The following BRINP3 variants were observed in gnomAD, a reference collection of about 807,000 sequenced individuals.
BRINP3 encodes BMP/retinoic acid inducible neural specific 3, also known as BMP/retinoic acid-inducible neural-specific protein 3.
Under a neutral mutation model 71.0 loss-of-function variants are expected in BRINP3, and 19 were observed. The observed-to-expected ratio is 0.27, with a 90% CI of 0.19 to 0.39. BRINP3 has a LOEUF of 0.39. BRINP3 is among the 10% of genes least tolerant of loss of function. BRINP3 has a pLI of 1.00. For synonymous variants in BRINP3, 380 were observed against 337.7 expected (o/e 1.13, Z -1.37); for missense variants, 959 against 940.8 (o/e 1.02, Z -0.25).
chr1:190,172,124 C>A (rs1212043490), intron 6 of BRINP3, among the ~76,000 whole-genome samples: 1 of 147,838 alleles, frequency 6.8e-6, no homozygotes, highest in African/African-American at 2.5e-5. Flanking sequence ...AAAGGTCTTT[C>A]TTTCTTGCAG....
In BRINP3 at chr1:190,255,088, A is replaced by G. The variant is rs537521132; in HGVS notation, c.618+9777T>C. Among the ~76,000 whole-genome samples the G allele has an allele frequency of 4.0e-5, 6 of 151,830 alleles. No homozygotes were observed. The South Asian group carries it at 1.2e-3, about 32-fold the overall frequency. On this transcript the variant is annotated intron_variant, in intron 4 of 7. Coordinates refer to ENST00000367462, the MANE Select transcript of BRINP3 (RefSeq NM_199051.3). Reference sequence around the variant, plus strand: ...TGATGGATTATGGTTATTGATTTGCATATGTCGAACCAGCCTTGCATCCCA... The same window carrying G: ...TGATGGATTATGGTTATTGATTTGCGTATGTCGAACCAGCCTTGCATCCCA...
chr1:190,454,795 A>G lies in BRINP3; in HGVS notation c.96T>C (p.Val32=). ...ALSLHCWVLA[V]AAVSDQHATS... is the part of the protein sequence containing the mutation. ...TGGCATGCTGATCCGAAACAGCAGC[A>G]ACCGCTAAAACCCAGCAATGAAGAC... The change falls in exon 2 of 8, where the codon GTT becomes GTC. Residue 32 remains valine, a synonymous_variant. Coordinates refer to ENST00000367462, the MANE Select transcript of BRINP3 (RefSeq NM_199051.3). 1 of 1,614,188 alleles carries G rather than the reference A, an allele frequency of 6.2e-7. No individual in the cohort carries two copies. The highest frequency in any genetic ancestry group is 8.5e-7 in the Non-Finnish European group (1 of 1,180,040).
At chr1:190,350,018 T>C (rs1668273418) in intron 2 of BRINP3, among the ~76,000 whole-genome samples, 2 of 151,962 alleles carry the variant, frequency 1.3e-5, no homozygotes, top group South Asian at 4.1e-4. Flanking sequence ...AAAAGGAGAA[T>C]ACAAGGAAAA....
intron 2 of BRINP3, among the ~76,000 whole-genome samples, chr1:190,307,599 CTAGTT>C (rs1432451949): frequency 6.6e-6 from 1 of 151,594 alleles, no homozygotes. Context: ...TTCACTCAAA[CTAGTT>C]AAGTTATTCT....
intron 2 of BRINP3, among the ~76,000 whole-genome samples, chr1:190,444,926 G>T (rs532336221): frequency 1.3e-4 from 20 of 152,262 alleles, no homozygotes; most frequent in African/African-American, 4.6e-4. Flanking sequence ...TACGTCCTTT[G>T]TGTAATTTTT....
chr1:190,354,341 T>A (rs1212139124), intron 2 of BRINP3, among the ~76,000 whole-genome samples: 1 of 151,910 alleles, frequency 6.6e-6, no homozygotes, highest in Non-Finnish European at 1.5e-5. Context: ...CAAACTACGA[T>A]GCACGGACAG....
intron 6 of BRINP3, among the ~76,000 whole-genome samples, chr1:190,201,400 G>A (rs1300600039): frequency 6.6e-6 from 1 of 150,954 alleles, no homozygotes. Context: ...ATCAGGAAAG[G>A]AGAGCATAAA....
At chr1:190,113,160 C>T (rs894706285) in intron 7 of BRINP3, among the ~76,000 whole-genome samples, 1 of 152,060 alleles carries the variant, frequency 6.6e-6, no homozygotes, top group South Asian at 2.1e-4. Context: ...AAGCAATAAT[C>T]AATTGATTAT....
chr1:190,419,560 C>T (rs1214797627), intron 2 of BRINP3, among the ~76,000 whole-genome samples: 1 of 151,724 alleles, frequency 6.6e-6, no homozygotes, highest in African/African-American at 2.4e-5. Flanking sequence ...GAGGAAGTAG[C>T]TTATACCAAC....
At chr1:190,404,794 A>G (rs1672153124) in intron 2 of BRINP3, among the ~76,000 whole-genome samples, 1 of 152,178 alleles carries the variant, frequency 6.6e-6, no homozygotes. Flanking sequence ...ATGTATTATT[A>G]AAGTCAACTT....
chr1:190,409,385 AACAC>A (rs1364647410), intron 2 of BRINP3, among the ~76,000 whole-genome samples: 2 of 152,184 alleles, frequency 1.3e-5, no homozygotes, highest in Non-Finnish European at 2.9e-5. Flanking sequence ...AGTTTAGAAA[AACAC>A]ACAAAAAAAG....
intron 6 of BRINP3, among the ~76,000 whole-genome samples, chr1:190,168,955 G>A (rs1337657927): frequency 6.6e-6 from 1 of 152,106 alleles, no homozygotes; most frequent in Non-Finnish European, 1.5e-5. Flanking sequence ...TCAGTTACAA[G>A]AGTTAAAGAT....
intron 3 of BRINP3, among the ~76,000 whole-genome samples, chr1:190,275,413 A>G (rs1303532745): frequency 6.6e-6 from 1 of 151,642 alleles, no homozygotes; most frequent in African/African-American, 2.4e-5. Flanking sequence ...GTTAAAATGT[A>G]GATTCTGATT....
chr1:190,406,450 T>C (rs564103371), intron 2 of BRINP3, among the ~76,000 whole-genome samples: 1 of 152,350 alleles, frequency 6.6e-6, no homozygotes, highest in South Asian at 2.1e-4. Context: ...CAGAACTATC[T>C]AGATGAATCT....
At chr1:190,426,763 T>A (rs1383681547) in intron 2 of BRINP3, among the ~76,000 whole-genome samples, 1 of 151,920 alleles carries the variant, frequency 6.6e-6, no homozygotes, top group African/African-American at 2.4e-5. Context: ...ATACCAATTA[T>A]TTAATTAATT....
At chr1:190,385,611 G>A (rs1276051717) in intron 2 of BRINP3, among the ~76,000 whole-genome samples, 1 of 152,038 alleles carries the variant, frequency 6.6e-6, no homozygotes, top group Non-Finnish European at 1.5e-5. Context: ...GAAGAAATAG[G>A]AATACTTTTA....
rs866742953 is a variant in BRINP3 at position 190,098,551 on chromosome 1, C to T, written c.1768G>A (p.Glu590Lys). Residue 590 changes from glutamate (E) to lysine (K), a missense_variant, in exon 8 of 8, where the codon GAA becomes AAA. Glu to Lys is a moderately conservative substitution (Grantham distance 56). Coordinates refer to ENST00000367462, the MANE Select transcript of BRINP3 (RefSeq NM_199051.3). ...HSESWFMPVN[E>K]NSFPDWERTK... Reference sequence around the variant, plus strand: ...CGCTCCCAGTCTGGAAAGCTGTTTTCATTCACAGGCATAAACCAGCTCTCA... The same window carrying T: ...CGCTCCCAGTCTGGAAAGCTGTTTTTATTCACAGGCATAAACCAGCTCTCA... 6.2e-7 allele frequency: 1 copy of T among 1,614,172 alleles called. No homozygotes were observed. The highest frequency in any genetic ancestry group is 8.5e-7 in the Non-Finnish European group (1 of 1,180,018).
At chr1:190,114,376 G>T (rs1032212993) in intron 7 of BRINP3, among the ~76,000 whole-genome samples, 3 of 152,032 alleles carry the variant, frequency 2.0e-5, no homozygotes, top group African/African-American at 7.2e-5. Flanking sequence ...AATAATGCAA[G>T]AATGGCCTAA....
At chr1:190,297,358 A>G (rs1458720608) in intron 2 of BRINP3, among the ~76,000 whole-genome samples, 1 of 151,832 alleles carries the variant, frequency 6.6e-6, no homozygotes, top group Admixed American at 6.6e-5. Flanking sequence ...CTCATACAAT[A>G]CACAAAAAAA....
Sources: allele counts gnomAD v4.1 joint callset (sites outside exome capture counted in the v4.1 genomes callset), GRCh38; gene constraint gnomAD v4.1.1; transcripts MANE v1.5; gene names NCBI Gene and HGNC (gene_info 2026-07-23, HGNC 2026-07-21).